The following SLC8A1 variants were observed in gnomAD, a reference collection of about 807,000 sequenced individuals.
SLC8A1 encodes the protein sodium/calcium exchanger 1.
Under a neutral mutation model 68.3 loss-of-function variants are expected in SLC8A1, and 18 were observed. The observed-to-expected ratio is 0.26, with a 90% confidence interval of 0.18 to 0.39. SLC8A1 has a LOEUF of 0.39. Ranked by LOEUF, SLC8A1 falls within the 10% of genes least tolerant of loss-of-function variation. The pLI is 1.00. For missense variants in SLC8A1, 985 were observed against 1,156.7 expected, an observed-to-expected ratio of 0.85 and a Z score of 2.15; for synonymous variants, 475 against 415.5, an observed-to-expected ratio of 1.14 and a Z score of -1.74.
chr2:40,464,556 C>T (rs1304500856), intron 1 of SLC8A1, among the ~76,000 whole-genome samples: 1 of 152,154 alleles, frequency 6.6e-6, no homozygotes, highest in Non-Finnish European at 1.5e-5. Flanking sequence ...CATCTGTTTC[C>T]CAATCTTAGC....
chr2:40,344,291 C>T (rs1298408387), intron 2 of SLC8A1, among the ~76,000 whole-genome samples: 1 of 152,086 alleles, frequency 6.6e-6, no homozygotes, highest in African/African-American at 2.4e-5. Context: ...CACTATTTGC[C>T]TGGGATTTTT....
At chr2:40,275,654 T>C (rs2066608586) in intron 2 of SLC8A1, among the ~76,000 whole-genome samples, 1 of 152,212 alleles carries the variant, frequency 6.6e-6, no homozygotes, top group Admixed American at 6.5e-5. Context: ...TGAGTTTCCC[T>C]GGCTTTAAAA....
chr2:40,106,214 T>C (rs2034188076), exon 8 of SLC8A1: 1 of 152,204 alleles, frequency 6.6e-6, no homozygotes, highest in South Asian at 2.1e-4. Context: ...CCATGTACAG[T>C]TGTTTCTGAA....
At chr2:40,344,487 C>T (rs1202418369) in intron 2 of SLC8A1, among the ~76,000 whole-genome samples, 1 of 152,096 alleles carries the variant, frequency 6.6e-6, no homozygotes, top group African/African-American at 2.4e-5. Flanking sequence ...TACAAACATA[C>T]AATAGTGGCT....
rs34808025 is a variant in SLC8A1, at chr2:40,482,789, C to CTTTT, written c.-25+29556_-25+29559dup. Among the ~76,000 whole-genome samples the CTTTT allele has an allele frequency of 2.8e-3, 371 of 131,836 alleles. 3 individuals carry two copies. Among genetic ancestry groups the CTTTT allele is most frequent in the African/African-American group, 0.01 (357 of 34,988 alleles). The allele number at this position is 131,836 out of a possible 152,430, so 86.5% of individuals were successfully genotyped here. On this transcript the variant is annotated intron_variant, in intron 1 of 7. Transcript: ENST00000402441. The stretch of plus-strand genomic sequence containing the variant: ...TCTATGACAGAAGCCACAGTTAGCA[C>CTTTT]TTTTTTTTTTTTTTTTTTTGAGACG...
intron 2 of SLC8A1, among the ~76,000 whole-genome samples, chr2:40,282,762 C>T (rs989025522): frequency 6.6e-6 from 1 of 152,112 alleles, no homozygotes; most frequent in African/African-American, 2.4e-5. Flanking sequence ...TGCCCAGTAA[C>T]AGAGAACAGC....
chr2:40,270,523 A>G (rs150160478), intron 2 of SLC8A1, among the ~76,000 whole-genome samples: 36 of 152,086 alleles, frequency 2.4e-4, no homozygotes, highest in East Asian at 1.9e-4. Flanking sequence ...CCTTTCCTCT[A>G]TCTTCACAGT....
chr2:40,383,284 A>C (rs1479299068), intron 2 of SLC8A1, among the ~76,000 whole-genome samples: 4 of 152,100 alleles, frequency 2.6e-5, no homozygotes, highest in Admixed American at 2.6e-4. Flanking sequence ...AGTAACTTTT[A>C]CATACCGGAA....
At chr2:40,221,195 G>A (rs907140394) in intron 2 of SLC8A1, among the ~76,000 whole-genome samples, 1 of 152,094 alleles carries the variant, frequency 6.6e-6, no homozygotes, top group Non-Finnish European at 1.5e-5. Context: ...GATCAAGTGA[G>A]CTTCATCCCT....
At position 40,132,158 on chromosome 2, in the gene SLC8A1, T is replaced by C. The variant is rs368877739; in HGVS notation, c.2437+7243A>G. 1.9e-3 allele frequency among the ~76,000 whole-genome samples: 284 copies of C among 152,186 alleles called. 1 individual carries two copies. The highest frequency in any genetic ancestry group is 6.5e-3 in the African/African-American group (269 of 41,512). On this transcript the variant is annotated intron_variant, in intron 7 of 7. Coordinates refer to ENST00000406785, the Ensembl canonical transcript of SLC8A1. The stretch of plus-strand genomic sequence containing the variant: ...GAAATTTAAAAATTTCTTAAAACGT[T>C]TGTGAGGCATATGGAAAAGAGCATA...
exon 2 of SLC8A1, chr2:40,429,293 G>A: frequency 6.2e-7 from 1 of 1,613,862 alleles, no homozygotes; most frequent in Non-Finnish European, 8.5e-7. Flanking sequence ...AGTTCCTTCA[G>A]AATCCTAGCC....
At chr2:40,410,468 A>T (rs1373323118) in intron 2 of SLC8A1, among the ~76,000 whole-genome samples, 1 of 152,104 alleles carries the variant, frequency 6.6e-6, no homozygotes, top group Non-Finnish European at 1.5e-5. Context: ...AAAGAAGAAA[A>T]CTTTAGAGAT....
At chr2:40,202,158 C>G (rs1199599654) in intron 2 of SLC8A1, among the ~76,000 whole-genome samples, 1 of 151,926 alleles carries the variant, frequency 6.6e-6, no homozygotes. Flanking sequence ...CCAGTGTTAA[C>G]AGCTTTATAC....
intron 2 of SLC8A1, among the ~76,000 whole-genome samples, chr2:40,398,001 A>C (rs1169868265): frequency 6.6e-6 from 1 of 152,208 alleles, no homozygotes; most frequent in Non-Finnish European, 1.5e-5. Context: ...ACTGCCAGGA[A>C]AATAACAGAA....
intron 1 of SLC8A1, among the ~76,000 whole-genome samples, chr2:40,507,534 C>A (rs1163942873): frequency 6.6e-6 from 1 of 152,038 alleles, no homozygotes; most frequent in Non-Finnish European, 1.5e-5. Context: ...TGCCATAACA[C>A]TACTGAATAT....
At chr2:40,328,159 G>A (rs76037213) in intron 2 of SLC8A1, among the ~76,000 whole-genome samples, 1,836 of 152,146 alleles carry the variant, frequency 0.012, 30 homozygotes, top group African/African-American at 0.042. Context: ...AACTATTCAG[G>A]TCGATAAATA....
intron 2 of SLC8A1, among the ~76,000 whole-genome samples, chr2:40,336,310 T>A (rs1280125277): frequency 6.6e-6 from 1 of 152,212 alleles, no homozygotes; most frequent in South Asian, 2.1e-4. Flanking sequence ...GTATATCTTA[T>A]ACACTCAAAT....
At chr2:40,378,140 T>G (rs1043647115) in intron 2 of SLC8A1, among the ~76,000 whole-genome samples, 1 of 151,990 alleles carries the variant, frequency 6.6e-6, no homozygotes, top group Non-Finnish European at 1.5e-5. Context: ...TAAATTCTGG[T>G]GAAAGGGAAA....
At chr2:40,512,381 G>T (rs891915516) in exon 1 of SLC8A1, 1 of 152,220 alleles carries the variant, frequency 6.6e-6, no homozygotes, top group African/African-American at 2.4e-5. Context: ...AGTCCGCATG[G>T]GCTGGATGTG....
Sources: allele counts gnomAD v4.1 joint callset (sites outside exome capture counted in the v4.1 genomes callset), GRCh38; gene constraint gnomAD v4.1.1; transcripts MANE v1.5; gene names NCBI Gene and HGNC (gene_info 2026-07-23, HGNC 2026-07-21).